Variants in NUP50 observed in about 807,000 individuals in gnomAD.
The protein encoded by NUP50 is nuclear pore complex protein Nup50.
NUP50 carries 14 observed loss-of-function variants against 36.8 expected under a neutral mutation model. The observed-to-expected ratio is 0.38, with a 90% CI of 0.25 to 0.59. The LOEUF (loss-of-function observed/expected upper bound fraction) is 0.59, where lower values mean the gene tolerates loss of function less well. Among genes scored for constraint, NUP50 ranks in the 20% least tolerant of loss-of-function variants. The pLI is 0.63. For synonymous variants in NUP50, 195 were observed against 210.8 expected (o/e 0.93, Z 0.65); for missense variants, 455 against 564.6 (o/e 0.81, Z 1.97).
intron 1 of NUP50, chr22:45,166,013 T>A (rs1007706962): frequency 2.6e-5 from 4 of 152,216 alleles, no homozygotes; most frequent in African/African-American, 9.6e-5. Flanking sequence ...ACTGATCTAA[T>A]GACAGACAGG....
chr22:45,169,425 A>C (rs2074149342), intron 2 of NUP50, among the ~76,000 whole-genome samples: 1 of 152,230 alleles, frequency 6.6e-6, no homozygotes, highest in South Asian at 2.1e-4. Context: ...AGGATTACCC[A>C]GGTGCCGAGG....
chr22:45,167,375 G>A (rs943473584), intron 1 of NUP50, among the ~76,000 whole-genome samples: 1 of 152,292 alleles, frequency 6.6e-6, no homozygotes. Flanking sequence ...ATTAAGATCA[G>A]AAAACAAATC....
intron 1 of NUP50, chr22:45,166,283 CTTTTTTTTTTTT>C (rs71190641): frequency 0.49 from 59,992 of 123,454 alleles, 13,632 homozygotes; most frequent in Middle Eastern, 0.6. Flanking sequence ...TTTTCTTTTT[CTTTTTTTTTTTT>C]TTTTTTTTTT....
Position 45,178,733 on chromosome 22 carries a change from G to T in NUP50, c.836G>T (p.Ser279Ile), listed in dbSNP as rs1218432159. ...TTTAATTTCGGCAAGAAAGTTGATAGCTCTGTTTTGGGCTCATTAAGCTCT... is the reference window on the plus strand; with the variant it reads ...TTTAATTTCGGCAAGAAAGTTGATATCTCTGTTTTGGGCTCATTAAGCTCT... ...ASFNFGKKVD[S>I]SVLGSLSSVP... The change falls in exon 5 of 8, where the codon AGC becomes ATC. Residue 279 changes from serine to isoleucine, a missense_variant. Physicochemically the swap from Ser to Ile is moderately radical, Grantham distance 142. This residue lies in a region of NUP50 where 287 missense variants were observed against 345.5 expected (regional missense o/e 0.83). Coordinates refer to ENST00000347635, the MANE Select transcript of NUP50 (RefSeq NM_007172.4). 2 of 1,613,484 alleles carry T rather than the reference G, an allele frequency of 1.2e-6. No individual in the cohort carries two copies. Among genetic ancestry groups the T allele is most frequent in the Non-Finnish European group, 1.7e-6 (2 of 1,179,874 alleles).
Position 45,181,362 on chromosome 22 carries a change from CA to C in NUP50, c.1085del (p.Lys362SerfsTer17). On this transcript the variant is annotated frameshift_variant, in exon 6 of 8. Coordinates refer to ENST00000347635, the MANE Select transcript of NUP50 (RefSeq NM_007172.4). LOFTEE classifies it high-confidence loss of function. ...TAAAAGAAGAAGATGCTTTTTACTCCAAAAAGTAAGAATCCCCACAACCTGC... is the reference window on the plus strand; with the variant it reads ...TAAAAGAAGAAGATGCTTTTTACTCCAAAAGTAAGAATCCCCACAACCTGC... ...EVKEEDAFYS[K>X]KCKLFYKKDN... 6.3e-7 allele frequency: 1 copy of C among 1,580,384 alleles called. No individual in the cohort carries two copies. Among genetic ancestry groups the C allele is most frequent in the Admixed American group, 2.0e-5 (1 of 51,008 alleles).
At chr22:45,175,334 T>G (rs2074260271) in intron 3 of NUP50, among the ~76,000 whole-genome samples, 1 of 151,872 alleles carries the variant, frequency 6.6e-6, no homozygotes, top group South Asian at 2.1e-4. Flanking sequence ...AAAAGGAGAG[T>G]AAGAAGTTGT....
rs1465957460 is a variant in NUP50, at chr22:45,186,535, A to G, written c.*1880A>G. ...AGGCATCTTCAGGACACTTCAGTGTATATGACACAGTACTTTGTTAGCGTC... is the reference window on the plus strand; with the variant it reads ...AGGCATCTTCAGGACACTTCAGTGTGTATGACACAGTACTTTGTTAGCGTC... On this transcript the variant is annotated 3_prime_UTR_variant, in exon 8 of 8. Transcript: ENST00000347635. 3.3e-5 allele frequency: 5 copies of G among 152,470 alleles called. No homozygotes were observed. The highest frequency in any genetic ancestry group is 7.3e-5 in the Non-Finnish European group (5 of 68,046). 9.4% of individuals were successfully genotyped at this position (152,470 alleles called of 1,614,324 possible). A position where few individuals can be genotyped will look rare whatever the true frequency, so the allele number is the denominator to read the frequency against.
At chr22:45,169,478 A>G (rs2074150409) in intron 2 of NUP50, among the ~76,000 whole-genome samples, 1 of 152,142 alleles carries the variant, frequency 6.6e-6, no homozygotes, top group Admixed American at 6.6e-5. Context: ...AATACATAAA[A>G]TAGTTAGAAT....
intron 3 of NUP50, 176 bp from the exon 4 acceptor site, chr22:45,175,718 A>G (rs2074265794): frequency 1.8e-6 from 1 of 553,592 alleles, no homozygotes; most frequent in Non-Finnish European, 3.2e-6. Context: ...AGCTGTTCTT[A>G]TGAATACAAT....
At chr22:45,169,416 G>C (rs1601768878) in intron 2 of NUP50, among the ~76,000 whole-genome samples, 1 of 152,106 alleles carries the variant, frequency 6.6e-6, no homozygotes, top group South Asian at 2.1e-4. Flanking sequence ...TGTGGGCGAA[G>C]GATTACCCAG....
At chr22:45,177,306 C>T (rs944659210) in intron 4 of NUP50, among the ~76,000 whole-genome samples, 3 of 152,128 alleles carry the variant, frequency 2.0e-5, no homozygotes, top group African/African-American at 7.2e-5. Context: ...TCAGCCTCCC[C>T]AGTAGCTGGG....
At position 45,184,622 on chromosome 22, in the gene NUP50, G is replaced by A; in HGVS notation, c.1374G>A (p.Leu458=). The change falls in exon 8 of 8, where the codon TTG becomes TTA. Residue 458 remains leucine (L), a synonymous_variant. Transcript: ENST00000347635. ...AAACCAGCGAGGATGCAGACGAGTTGCACAAAATTTTACTGGAGAAAAAGG... is the reference window on the plus strand; with the variant it reads ...AAACCAGCGAGGATGCAGACGAGTTACACAAAATTTTACTGGAGAAAAAGG... ...RVKTSEDADE[L]HKILLEKKDA The A allele has an allele frequency of 1.9e-6, 3 of 1,613,252 alleles. No individual in the cohort carries two copies. Among genetic ancestry groups the A allele is most frequent in the South Asian group, 2.2e-5 (2 of 91,044 alleles).
At chr22:45,165,759 T>A (rs1050553438) in intron 1 of NUP50, 2 of 152,276 alleles carry the variant, frequency 1.3e-5, no homozygotes, top group Admixed American at 1.3e-4. Flanking sequence ...TTGCTTCTAA[T>A]AAAACTTGTT....
rs188512772 is a variant in NUP50 at position 45,177,517 on chromosome 22, C to G, written c.341-721C>G. Among the ~76,000 whole-genome samples, 4 of 152,090 alleles carry G rather than the reference C, an allele frequency of 2.6e-5. No homozygotes were observed. The East Asian group carries it at 7.8e-4, about 30-fold the overall frequency. On this transcript the variant is annotated intron_variant, in intron 4 of 7. Coordinates refer to ENST00000347635, the MANE Select transcript of NUP50 (RefSeq NM_007172.4). ...TTCACAGGTGTAGAACCTGCAGGTA[C>G]AGAGGGGCGACTGTACTTTAATACT...
At chr22:45,165,153 C>T (rs779969838) in intron 1 of NUP50, among the ~76,000 whole-genome samples, 1 of 152,220 alleles carries the variant, frequency 6.6e-6, no homozygotes, top group Non-Finnish European at 1.5e-5. Context: ...TTTACCTAGA[C>T]TTTCAGTCTC....
At chr22:45,171,367 T>G (rs959819226) in intron 2 of NUP50, among the ~76,000 whole-genome samples, 1 of 152,166 alleles carries the variant, frequency 6.6e-6, no homozygotes, top group Non-Finnish European at 1.5e-5. Flanking sequence ...GCCCAGCTAA[T>G]TTTTCATTTT....
rs750985816 is a variant in NUP50, at chr22:45,183,428, A to G, written c.1112A>G (p.Asn371Ser). 17 of 1,603,260 alleles carry G rather than the reference A, an allele frequency of 1.1e-5. No homozygotes were observed. The highest frequency in any genetic ancestry group is 3.3e-5 in the South Asian group (3 of 90,742). Reference protein sequence around the residue: ...KKCKLFYKKDNEFKEKGIGTL... With the variant: ...KKCKLFYKKDSEFKEKGIGTL... Reference sequence around the variant, plus strand: ...TGTAAACTGTTTTACAAGAAAGACAATGAGTTTAAAGAGAAAGGCATAGGT... The same window carrying G: ...TGTAAACTGTTTTACAAGAAAGACAGTGAGTTTAAAGAGAAAGGCATAGGT... Residue 371 changes from asparagine (N) to serine (S), a missense_variant, in exon 7 of 8, where the codon AAT (asparagine) becomes AGT (serine). Asn to Ser is a conservative substitution (Grantham distance 46). Transcript: ENST00000347635.
At chr22:45,175,797 T>G in intron 3 of NUP50, 97 bp from the exon 4 acceptor site, 1 of 1,137,224 alleles carries the variant, frequency 8.8e-7, no homozygotes, top group Non-Finnish European at 1.3e-6. Context: ...GCATGTGGAG[T>G]CTAGGTGCTG....
In NUP50 at chr22:45,185,630, C is replaced by T. The variant is rs1186085976; in HGVS notation, c.*975C>T. The T allele has an allele frequency of 3.3e-5, 5 of 152,268 alleles. No individual in the cohort carries two copies. Among genetic ancestry groups the T allele is most frequent in the South Asian group, 2.1e-4 (1 of 4,822 alleles). 9.4% of individuals were successfully genotyped at this position (152,268 alleles called of 1,614,324 possible). A position where few individuals can be genotyped will look rare whatever the true frequency, so the allele number is the denominator to read the frequency against. The stretch of plus-strand genomic sequence containing the variant: ...GTAATAAAGTCATGGAAGAGAAAAT[C>T]GTGTGTAAACTTTGCCTTTAACTTT... On this transcript the variant is annotated 3_prime_UTR_variant, in exon 8 of 8. Transcript: ENST00000347635.
Sources: allele counts gnomAD v4.1 joint callset (sites outside exome capture counted in the v4.1 genomes callset), GRCh38; gene constraint gnomAD v4.1.1; regional missense constraint gnomAD v4.1.1; transcripts MANE v1.5; gene names NCBI Gene and HGNC (gene_info 2026-07-23, HGNC 2026-07-21).